DPP10: variants seen among roughly 807,000 people sequenced by gnomAD.
DPP10 encodes inactive dipeptidyl peptidase 10.
A neutral mutation model predicts 120.9 loss-of-function variants in DPP10; 33 were observed. The ratio of observed to expected loss-of-function variants is 0.27; its 90% CI spans 0.21 to 0.37. DPP10 has a LOEUF of 0.37. DPP10 is among the 10% of genes least tolerant of loss of function. The probability of loss-of-function intolerance (pLI) is 1.00; values close to 1 mark genes in which losing one functional copy is unlikely to be tolerated. For synonymous variants in DPP10, 337 were observed against 326.1 expected (o/e 1.03, Z -0.36); for missense variants, 816 against 942.8 (o/e 0.87, Z 1.76).
At chr2:114,911,223 T>G (rs1326459016) in intron 1 of DPP10, among the ~76,000 whole-genome samples, 5 of 152,228 alleles carry the variant, frequency 3.3e-5, no homozygotes, top group Non-Finnish European at 7.4e-5. Flanking sequence ...TTGTCTTTTA[T>G]AAGTGTCTTG....
intron 3 of DPP10, among the ~76,000 whole-genome samples, chr2:115,429,206 T>C (rs2070753047): frequency 6.9e-6 from 1 of 144,608 alleles, no homozygotes; most frequent in African/African-American, 2.6e-5. Flanking sequence ...TTTCCTAAGC[T>C]TTTCTTACTA....
chr2:115,712,543 A>AATATATATATATATATATATATAT (rs1553486145), intron 7 of DPP10, among the ~76,000 whole-genome samples: 4 of 64,262 alleles, frequency 6.2e-5, no homozygotes, highest in Admixed American at 2.0e-4. Flanking sequence ...TCCTGAATTA[A>AATATATATATATATATATATATAT]ATATATATAT....
At chr2:115,111,756 A>G (rs2049233528) in intron 1 of DPP10, among the ~76,000 whole-genome samples, 2 of 152,228 alleles carry the variant, frequency 1.3e-5, no homozygotes, top group African/African-American at 4.8e-5. Context: ...GGATCCATCC[A>G]GAGCAATCCT....
intron 2 of DPP10, among the ~76,000 whole-genome samples, chr2:115,327,513 C>T (rs2062439091): frequency 6.6e-6 from 1 of 151,880 alleles, no homozygotes; most frequent in Non-Finnish European, 1.5e-5. Context: ...ACAAATACAG[C>T]CAATTGTGGA....
chr2:115,583,679 G>C (rs2082126953), intron 5 of DPP10, among the ~76,000 whole-genome samples: 1 of 152,172 alleles, frequency 6.6e-6, no homozygotes, highest in South Asian at 2.1e-4. Context: ...ATATTCTACT[G>C]ATCAAATAGT....
At chr2:115,375,725 G>C (rs151248447) in intron 3 of DPP10, among the ~76,000 whole-genome samples, 8 of 152,306 alleles carry the variant, frequency 5.3e-5, no homozygotes, top group African/African-American at 1.9e-4. Flanking sequence ...GAAGATGTCA[G>C]GAAACTTGCA....
chr2:115,069,509 G>C (rs4383341), intron 1 of DPP10, among the ~76,000 whole-genome samples: 22,642 of 152,018 alleles, frequency 0.15, 1,925 homozygotes, highest in Non-Finnish European at 0.17. Flanking sequence ...TTTCAGTCAA[G>C]ATTGTAATGG....
chr2:114,934,034 A>G (rs934839140), intron 1 of DPP10, among the ~76,000 whole-genome samples: 1 of 152,184 alleles, frequency 6.6e-6, no homozygotes. Flanking sequence ...TACTAATGCT[A>G]TTATTTTTTC....
chr2:115,778,354 C>T (rs1575751899), intron 15 of DPP10, among the ~76,000 whole-genome samples: 1 of 152,020 alleles, frequency 6.6e-6, no homozygotes, highest in East Asian at 1.9e-4. Flanking sequence ...AAGGAACGCT[C>T]ATTGCTTGCT....
intron 19 of DPP10, among the ~76,000 whole-genome samples, chr2:115,805,866 C>T (rs952677406): frequency 4.6e-5 from 7 of 152,208 alleles, no homozygotes; most frequent in East Asian, 3.9e-4. Flanking sequence ...TGAGCCGCCG[C>T]GCCCGGCACT....
At chr2:115,767,843 TCAAG>T (rs1680978761) in intron 12 of DPP10, among the ~76,000 whole-genome samples, 2 of 152,132 alleles carry the variant, frequency 1.3e-5, no homozygotes, top group African/African-American at 2.4e-5. Flanking sequence ...AAAAGAATCT[TCAAG>T]TAAGTACAGT....
chr2:115,047,417 T>C (rs1705150023), intron 1 of DPP10, among the ~76,000 whole-genome samples: 1 of 152,014 alleles, frequency 6.6e-6, no homozygotes, highest in African/African-American at 2.4e-5. Flanking sequence ...AAAAAAACAG[T>C]GTATTCAATC....
At chr2:115,645,867 A>G (rs897532488) in intron 5 of DPP10, among the ~76,000 whole-genome samples, 1 of 152,204 alleles carries the variant, frequency 6.6e-6, no homozygotes, top group African/African-American at 2.4e-5. Flanking sequence ...AAACATTAAG[A>G]TGAAGCTGAA....
chr2:114,976,553 A>C, intron 1 of DPP10, among the ~76,000 whole-genome samples: 1 of 152,242 alleles, frequency 6.6e-6, no homozygotes, highest in Non-Finnish European at 1.5e-5. Flanking sequence ...ATAACACAGA[A>C]TTGTTGAATC....
chr2:114,926,487 C>T (rs1695629119), intron 1 of DPP10, among the ~76,000 whole-genome samples: 1 of 152,194 alleles, frequency 6.6e-6, no homozygotes, highest in South Asian at 2.1e-4. Context: ...AAAGCCCTTC[C>T]TTGGAGCAAG....
rs143314749 is a variant in DPP10 at position 115,179,583 on chromosome 2, A to G, written c.61-129656A>G. Among the ~76,000 whole-genome samples the G allele has an allele frequency of 5.5e-4, 84 of 152,276 alleles. 1 individual carries two copies. Among genetic ancestry groups the G allele is most frequent in the Middle Eastern group, 3.4e-3 (1 of 292 alleles). Reference sequence around the variant, plus strand: ...CCACCCTCTCAGTGAATAAGGAGATAATAGTATTTGAGGTAAGGATAGAAG... The same window carrying G: ...CCACCCTCTCAGTGAATAAGGAGATGATAGTATTTGAGGTAAGGATAGAAG... On this transcript the variant is annotated intron_variant, in intron 1 of 25. Coordinates refer to ENST00000410059, the MANE Select transcript of DPP10 (RefSeq NM_020868.6).
rs553694785 is a variant in DPP10 at position 115,762,772 on chromosome 2, A to G, written c.1113+162A>G. Among the ~76,000 whole-genome samples the G allele has an allele frequency of 2.1e-3, 324 of 152,262 alleles. 1 individual carries two copies. The highest frequency in any genetic ancestry group is 7.4e-3 in the African/African-American group (309 of 41,568). On this transcript the variant is annotated intron_variant, in intron 12 of 25. Transcript: ENST00000410059. Reference sequence around the variant, plus strand: ...GGATCACTTATGACTTGGGCTTTCTATGGTATCATTTGTGAAAAGGTTACT... The same window carrying G: ...GGATCACTTATGACTTGGGCTTTCTGTGGTATCATTTGTGAAAAGGTTACT...
At chr2:114,789,203 G>C (rs934670944) in intron 1 of DPP10, among the ~76,000 whole-genome samples, 1 of 151,982 alleles carries the variant, frequency 6.6e-6, no homozygotes, top group Admixed American at 6.6e-5. Flanking sequence ...AAACATTTAT[G>C]ATCTTCTATA....
chr2:114,671,831 A>T (rs535779034), intron 1 of DPP10, among the ~76,000 whole-genome samples: 3 of 151,894 alleles, frequency 2.0e-5, no homozygotes, highest in African/African-American at 7.2e-5. Flanking sequence ...TCTGTTATTT[A>T]AAAAAAATAT....
Sources: allele counts gnomAD v4.1 joint callset (sites outside exome capture counted in the v4.1 genomes callset), GRCh38; gene constraint gnomAD v4.1.1; transcripts MANE v1.5; gene names NCBI Gene and HGNC (gene_info 2026-07-23, HGNC 2026-07-21).